The following CDH18 variants were observed in gnomAD, a reference collection of about 807,000 sequenced individuals.
CDH18 encodes cadherin 18.
In CDH18, 31 loss-of-function variants were observed where a neutral mutation model predicts 67.9. That is an observed-to-expected ratio of 0.46 (90% CI 0.34 to 0.62). The LOEUF (loss-of-function observed/expected upper bound fraction) is 0.62, where lower values mean the gene tolerates loss of function less well. Among genes scored for constraint, CDH18 ranks in the 20% least tolerant of loss-of-function variants. The pLI, the probability that CDH18 is intolerant of heterozygous loss-of-function variation, is 0.01. For missense variants in CDH18, 890 were observed against 975.5 expected, an observed-to-expected ratio of 0.91 and a Z score of 1.17; for synonymous variants, 362 against 347.2, an observed-to-expected ratio of 1.04 and a Z score of -0.48.
chr5:19,531,609 TCACACACACA>T (rs10552517), intron 9 of CDH18, among the ~76,000 whole-genome samples: 8 of 148,702 alleles, frequency 5.4e-5, no homozygotes, highest in African/African-American at 1.5e-4. Context: ...ATGTGTGTTC[TCACACACACA>T]CACACACACA....
At chr5:20,177,625 T>G (rs993986661) in intron 2 of CDH18, among the ~76,000 whole-genome samples, 6 of 151,934 alleles carry the variant, frequency 3.9e-5, no homozygotes, top group Non-Finnish European at 5.9e-5. Context: ...CATGTTTGAG[T>G]TGGTAGACTG....
At chr5:19,544,131 C>G (rs1323724091) in intron 8 of CDH18, 126 bp from the exon 9 acceptor site, 7 of 410,480 alleles carry the variant, frequency 1.7e-5, no homozygotes, top group Non-Finnish European at 3.0e-5. Context: ...TATTTGATTA[C>G]ATGGCAACTT....
intron 2 of CDH18, among the ~76,000 whole-genome samples, chr5:20,088,473 CA>C (rs979741460): frequency 6.6e-6 from 1 of 152,114 alleles, no homozygotes; most frequent in Non-Finnish European, 1.5e-5. Flanking sequence ...AAAAGGAATA[CA>C]GAATATTTCT....
At chr5:19,766,129 C>T (rs1047485788) in intron 3 of CDH18, among the ~76,000 whole-genome samples, 6 of 152,086 alleles carry the variant, frequency 3.9e-5, no homozygotes, top group African/African-American at 1.2e-4. Flanking sequence ...TCTGCCTGTC[C>T]CAGTCTCCCA....
intron 1 of CDH18, among the ~76,000 whole-genome samples, chr5:20,372,839 A>T (rs58479885): frequency 0.023 from 3,439 of 150,714 alleles, 98 homozygotes; most frequent in East Asian, 0.076. Flanking sequence ...GATATTTTTT[A>T]TTTTTTTTTC....
intron 2 of CDH18, among the ~76,000 whole-genome samples, chr5:20,095,390 C>CA (rs1561786103): frequency 1.8e-5 from 1 of 55,386 alleles, no homozygotes; most frequent in South Asian, 5.8e-4. Context: ...AAAAGAGAAA[C>CA]AGAAGAAAGA....
intron 5 of CDH18, among the ~76,000 whole-genome samples, chr5:19,612,862 C>T (rs899663096): frequency 1.3e-5 from 2 of 152,034 alleles, no homozygotes; most frequent in Admixed American, 6.6e-5. Context: ...GTCCCTCGGC[C>T]GGATGCGGTG....
intron 2 of CDH18, among the ~76,000 whole-genome samples, chr5:20,207,524 A>G (rs996304200): frequency 6.6e-6 from 1 of 152,066 alleles, no homozygotes; most frequent in East Asian, 1.9e-4. Context: ...ATCATGGTGG[A>G]AGGTGAAAGG....
chr5:19,858,386 G>T (rs1252835001), intron 2 of CDH18, among the ~76,000 whole-genome samples: 1 of 152,158 alleles, frequency 6.6e-6, no homozygotes, highest in Non-Finnish European at 1.5e-5. Flanking sequence ...TCAGGAAAAA[G>T]ACCTGCAAAG....
chr5:20,280,352 C>T (rs1470942907), intron 1 of CDH18, among the ~76,000 whole-genome samples: 1 of 152,050 alleles, frequency 6.6e-6, no homozygotes, highest in African/African-American at 2.4e-5. Context: ...AATGCTATCC[C>T]TCCCCACTCC....
chr5:20,040,736 A>G (rs75403803), intron 2 of CDH18, among the ~76,000 whole-genome samples: 1,998 of 152,244 alleles, frequency 0.013, 22 homozygotes, highest in Middle Eastern at 0.02. Context: ...ATGTTGCCTC[A>G]TGCTTGGAGG....
chr5:20,474,454 A>G (rs1218412765), intron 1 of CDH18, among the ~76,000 whole-genome samples: 2 of 152,160 alleles, frequency 1.3e-5, no homozygotes, highest in African/African-American at 2.4e-5. Context: ...AGAAACATAC[A>G]CATGGGACCC....
intron 1 of CDH18, among the ~76,000 whole-genome samples, chr5:20,332,272 C>G (rs1739255153): frequency 6.6e-6 from 1 of 152,192 alleles, no homozygotes; most frequent in African/African-American, 2.4e-5. Flanking sequence ...TCAGAATTGA[C>G]ACAACTTATT....
At chr5:20,073,950 G>T (rs572856230) in intron 2 of CDH18, among the ~76,000 whole-genome samples, 6 of 152,074 alleles carry the variant, frequency 3.9e-5, no homozygotes, top group African/African-American at 1.4e-4. Flanking sequence ...ATTTATCTTA[G>T]TTTGAAAATC....
Position 19,866,120 on chromosome 5 carries a change from T to G in CDH18, c.-256-26878A>C, listed in dbSNP as rs545181850. On this transcript the variant is annotated intron_variant, in intron 2 of 12. Transcript: ENST00000382275. ...CTTGTGGATTAGAGGTCACCAATAT[T>G]GCTTCTGAAAACAGAAACCAAGTCT... is the stretch of plus-strand genomic sequence containing the variant. Among the ~76,000 whole-genome samples, 67 of 152,328 alleles carry G rather than the reference T, an allele frequency of 4.4e-4. No individual in the cohort carries two copies. In the South Asian group the frequency reaches 0.013, roughly 30 times the overall value.
In CDH18 at chr5:20,512,286, G is replaced by A. The variant is rs537157058; in HGVS notation, c.-580+63176C>T. 4.1e-4 allele frequency among the ~76,000 whole-genome samples: 63 copies of A among 152,152 alleles called. No homozygotes were observed. The South Asian group carries it at 0.013, about 32-fold the overall frequency. On this transcript the variant is annotated intron_variant, in intron 1 of 14. Coordinates refer to the CDH18 transcript ENST00000507958. ...CTATTTTTCTGAAATTTCTTAATTT[G>A]ATAATTTATATTAGATTGCTTATAA...
chr5:19,509,282 G>A (rs77642492), intron 10 of CDH18, among the ~76,000 whole-genome samples: 194 of 152,082 alleles, frequency 1.3e-3, no homozygotes, highest in East Asian at 2.9e-3. Flanking sequence ...AGACAACAGG[G>A]ACTCCAAAAG....
At chr5:20,146,671 C>T (rs1392765552) in intron 2 of CDH18, among the ~76,000 whole-genome samples, 1 of 150,010 alleles carries the variant, frequency 6.7e-6, no homozygotes. Flanking sequence ...AAATGTATAA[C>T]TTTTACCACA....
At chr5:20,508,841 T>C (rs1187488364) in intron 1 of CDH18, among the ~76,000 whole-genome samples, 1 of 152,100 alleles carries the variant, frequency 6.6e-6, no homozygotes, top group African/African-American at 2.4e-5. Flanking sequence ...TCATAATTAC[T>C]ATCTCAATCA....
Sources: allele counts gnomAD v4.1 joint callset (sites outside exome capture counted in the v4.1 genomes callset), GRCh38; gene constraint gnomAD v4.1.1; transcripts MANE v1.5; gene names NCBI Gene and HGNC (gene_info 2026-07-23, HGNC 2026-07-21).